WASHC2A: variants seen among roughly 807,000 people sequenced by gnomAD.
The protein encoded by WASHC2A is WASH complex subunit 2A.
In WASHC2A, 82 loss-of-function variants were observed where a neutral mutation model predicts 140.3. That is an observed-to-expected ratio of 0.58 (90% confidence interval 0.49 to 0.70). The LOEUF (loss-of-function observed/expected upper bound fraction) is 0.70. Ranked by LOEUF, WASHC2A falls within the 30% of genes least tolerant of loss-of-function variation. The probability of loss-of-function intolerance (pLI) is 0.00; values close to 1 mark genes in which losing one functional copy is unlikely to be tolerated. For synonymous variants in WASHC2A, 340 were observed against 560.8 expected (o/e 0.61, Z 5.56); for missense variants, 985 against 1,521.8 (o/e 0.65, Z 5.87).
intron 4 of WASHC2A, among the ~76,000 whole-genome samples, chr10:50,080,213 G>C (rs1838773329): frequency 6.6e-6 from 1 of 152,094 alleles, no homozygotes; most frequent in African/African-American, 2.4e-5. Flanking sequence ...CATTGTTGTA[G>C]GGTATACACA....
intron 28 of WASHC2A, among the ~76,000 whole-genome samples, chr10:50,128,263 G>A (rs1843619427): frequency 6.6e-6 from 1 of 151,886 alleles, no homozygotes; most frequent in African/African-American, 2.4e-5. Flanking sequence ...GGCACACCAG[G>A]TGCCACTCCC....
intron 13 of WASHC2A, among the ~76,000 whole-genome samples, chr10:50,094,816 C>T (rs1280786958): frequency 6.6e-6 from 1 of 151,008 alleles, no homozygotes; most frequent in Admixed American, 6.6e-5. Flanking sequence ...AGAGGTGGAA[C>T]TGTTTGGGGG....
chr10:50,077,339 A>G (rs1225549335), intron 3 of WASHC2A, among the ~76,000 whole-genome samples: 16 of 152,216 alleles, frequency 1.1e-4, no homozygotes, highest in African/African-American at 3.6e-4. Flanking sequence ...AGCTCTAAAT[A>G]TATGCACTTG....
chr10:50,075,644 T>A (rs1246625948), intron 3 of WASHC2A, among the ~76,000 whole-genome samples: 1 of 149,372 alleles, frequency 6.7e-6, no homozygotes, highest in East Asian at 1.9e-4. Flanking sequence ...TATTGTGTAG[T>A]TGTTCTTTTC....
chr10:50,081,727 G>C (rs1224224605), intron 5 of WASHC2A, among the ~76,000 whole-genome samples: 1 of 151,766 alleles, frequency 6.6e-6, no homozygotes, highest in Admixed American at 6.6e-5. Context: ...CTGCCTCCTG[G>C]GTTCAAGCGA....
At chr10:50,079,327 C>G (rs1219751316) in intron 4 of WASHC2A, among the ~76,000 whole-genome samples, 1 of 152,142 alleles carries the variant, frequency 6.6e-6, no homozygotes, top group Non-Finnish European at 1.5e-5. Flanking sequence ...AAAGGGTATT[C>G]GAAACCAGCT....
At chr10:50,077,109 T>A (rs868955300) in intron 3 of WASHC2A, among the ~76,000 whole-genome samples, 1 of 140,810 alleles carries the variant, frequency 7.1e-6, no homozygotes, top group African/African-American at 2.7e-5. Context: ...AGAGTGAGAC[T>A]CCATCTCAAA....
At chr10:50,130,162 A>G in intron 29 of WASHC2A, 123 bp downstream of exon 29, 9 of 1,265,480 alleles carry the variant, frequency 7.1e-6, no homozygotes, top group Admixed American at 2.2e-5. Context: ...TTGCTTAGTA[A>G]TTATAATTAG....
In WASHC2A at chr10:50,125,114, G is replaced by A. The variant is rs1843324040; in HGVS notation, c.2480G>A (p.Gly827Asp). 2.5e-6 allele frequency: 4 copies of A among 1,611,704 alleles called. No individual in the cohort carries two copies. The South Asian group carries it at 3.3e-5, about 13-fold the overall frequency. ...CATGACCTTCCCTCCTGTTCCCAGGGCCGCGATCCTGATGCCCACCCCAAG... is the reference window on the plus strand; with the variant it reads ...CATGACCTTCCCTCCTGTTCCCAGGACCGCGATCCTGATGCCCACCCCAAG... The part of the protein sequence containing the change: ...IQAPQKEVGK[G>D]RDPDAHPKST... The change falls in exon 24 of 31, where the codon GGC becomes GAC. Residue 827 changes from glycine to aspartate, a missense_variant and splice_region_variant. Gly to Asp is a moderately conservative substitution (Grantham distance 94). Coordinates refer to ENST00000282633, the MANE Select transcript of WASHC2A (RefSeq NM_001005751.3).
intron 18 of WASHC2A, among the ~76,000 whole-genome samples, chr10:50,106,106 T>TTC (rs1841749928): frequency 1.3e-5 from 2 of 150,920 alleles, no homozygotes; most frequent in African/African-American, 4.9e-5. Flanking sequence ...CTCCTGCTTA[T>TTC]ATGCAGCTGT....
intron 5 of WASHC2A, among the ~76,000 whole-genome samples, chr10:50,081,611 G>T (rs1396018942): frequency 6.8e-6 from 1 of 146,168 alleles, no homozygotes; most frequent in Non-Finnish European, 1.5e-5. Context: ...AAGGCCTTCC[G>T]AATTAAAACA....
intron 28 of WASHC2A, among the ~76,000 whole-genome samples, chr10:50,128,728 A>G (rs1419579557): frequency 2.6e-5 from 4 of 152,136 alleles, no homozygotes; most frequent in Admixed American, 2.6e-4. Context: ...ACACAATCAT[A>G]CTTTGCCCAA....
At position 50,067,986 on chromosome 10, in the gene WASHC2A, C is replaced by T. The variant is rs1837422152; in HGVS notation, c.-20C>T. On this transcript the variant is annotated 5_prime_UTR_variant, in exon 1 of 31. Coordinates refer to ENST00000282633, the MANE Select transcript of WASHC2A (RefSeq NM_001005751.3). ...GGCGTGTGCTGGCAGCTTCGGAGCC[C>T]ACCGAGCCGGGCGGCTAGGATGGTG... The T allele has an allele frequency of 2.5e-6, 4 of 1,604,198 alleles. No individual in the cohort carries two copies. Among genetic ancestry groups the T allele is most frequent in the Non-Finnish European group, 3.4e-6 (4 of 1,176,922 alleles).
At chr10:50,070,575 G>A (rs1837710892) in intron 3 of WASHC2A, among the ~76,000 whole-genome samples, 1 of 149,940 alleles carries the variant, frequency 6.7e-6, no homozygotes, top group Non-Finnish European at 1.5e-5. Flanking sequence ...TAGTCAACTT[G>A]TGCAGCATGT....
At chr10:50,123,028 CA>C (rs1200409394) in intron 23 of WASHC2A, among the ~76,000 whole-genome samples, 1 of 118,398 alleles carries the variant, frequency 8.4e-6, no homozygotes, top group Non-Finnish European at 1.7e-5. Context: ...TCAGGGAAGC[CA>C]AAACCACAGT....
intron 13 of WASHC2A, 113 bp from the exon 14 acceptor site, chr10:50,095,035 G>T: frequency 6.3e-7 from 1 of 1,580,550 alleles, no homozygotes. Flanking sequence ...GGAAAAAGTG[G>T]TTTCAAAAGG....
intron 11 of WASHC2A, among the ~76,000 whole-genome samples, chr10:50,092,488 T>C (rs1840026646): frequency 6.6e-6 from 1 of 151,974 alleles, no homozygotes; most frequent in Admixed American, 6.6e-5. Context: ...AAACCCCATT[T>C]CTACTAAAAA....
At chr10:50,100,157 G>C in intron 17 of WASHC2A, 93 bp downstream of exon 17, 4 of 1,434,736 alleles carry the variant, frequency 2.8e-6, no homozygotes, top group Non-Finnish European at 2.9e-6. Context: ...AGAGTTATAA[G>C]ACTTTTTGTT....
At chr10:50,079,502 T>C (rs1838698126) in intron 4 of WASHC2A, among the ~76,000 whole-genome samples, 1 of 152,244 alleles carries the variant, frequency 6.6e-6, no homozygotes, top group South Asian at 2.1e-4. Context: ...GTGCAAGTGA[T>C]TCTCCTGGCT....
Sources: gnomAD v4.1 joint callset for allele counts (sites outside exome capture counted in the v4.1 genomes callset) on GRCh38, gnomAD v4.1.1 for gene constraint, MANE v1.5 for transcripts, NCBI Gene and HGNC (gene_info 2026-07-23, HGNC 2026-07-21) for gene names.